The following LYPLAL1 variants were observed in gnomAD, a reference collection of about 807,000 sequenced individuals.
LYPLAL1 encodes lysophospholipase-like protein 1.
Under a neutral mutation model 19.7 loss-of-function variants are expected in LYPLAL1, and 23 were observed. The ratio of observed to expected loss-of-function variants is 1.17; its 90% CI spans 0.84 to 1.65. The LOEUF (loss-of-function observed/expected upper bound fraction) is 1.65. Ranked by LOEUF, LYPLAL1 falls within the 40% of genes most tolerant of loss-of-function variation. The pLI, the probability that LYPLAL1 is intolerant of heterozygous loss-of-function variation, is 0.00. For synonymous variants in LYPLAL1, 119 were observed against 96.3 expected, an observed-to-expected ratio of 1.24 and a Z score of -1.38; for missense variants, 355 against 279.4, an observed-to-expected ratio of 1.27 and a Z score of -1.93.
chr1:219,288,721 G>T, the LYPLAL1 span, among the ~76,000 whole-genome samples: 1 of 152,172 alleles, frequency 6.6e-6, no homozygotes, highest in East Asian at 1.9e-4. Context: ...GGTGGGAGAT[G>T]TTGACAATGG....
the LYPLAL1 span, among the ~76,000 whole-genome samples, chr1:219,302,376 C>G: frequency 5.0e-3 from 768 of 152,292 alleles, 11 homozygotes; most frequent in African/African-American, 0.017. Flanking sequence ...TGAGCATATT[C>G]TAACAGTAAG....
At chr1:219,385,817 A>G in the LYPLAL1 span, among the ~76,000 whole-genome samples, 2 of 152,204 alleles carry the variant, frequency 1.3e-5, no homozygotes, top group African/African-American at 2.4e-5. Context: ...TAAATTACAT[A>G]CAGTTGGGAA....
chr1:219,288,341 A>G, the LYPLAL1 span, among the ~76,000 whole-genome samples: 9 of 152,184 alleles, frequency 5.9e-5, no homozygotes, highest in African/African-American at 1.4e-4. Context: ...TTAAGTGCAT[A>G]TTTTACTAAG....
At chr1:219,277,935 T>C in the LYPLAL1 span, among the ~76,000 whole-genome samples, 1 of 152,216 alleles carries the variant, frequency 6.6e-6, no homozygotes, top group African/African-American at 2.4e-5. Flanking sequence ...ATTGTTGTTG[T>C]TGTTTAAGTA....
chr1:219,378,954 G>T, the LYPLAL1 span, among the ~76,000 whole-genome samples: 2 of 152,142 alleles, frequency 1.3e-5, no homozygotes, highest in Non-Finnish European at 2.9e-5. Flanking sequence ...ACCATTAAAT[G>T]CTGATCTGTT....
At chr1:219,323,140 C>G in the LYPLAL1 span, among the ~76,000 whole-genome samples, 1 of 152,278 alleles carries the variant, frequency 6.6e-6, no homozygotes, top group East Asian at 1.9e-4. Flanking sequence ...ACTAATTGCC[C>G]TTCCCTGAGA....
intron 3 of LYPLAL1, among the ~76,000 whole-genome samples, chr1:219,201,015 C>T (rs1315113323): frequency 2.6e-5 from 4 of 152,106 alleles, no homozygotes; most frequent in African/African-American, 7.2e-5. Context: ...ATTCTTAATA[C>T]GTATTATCAA....
chr1:219,232,895 T>C, the LYPLAL1 span, among the ~76,000 whole-genome samples: 1 of 151,702 alleles, frequency 6.6e-6, no homozygotes, highest in East Asian at 1.9e-4. Flanking sequence ...TAACAAGTGT[T>C]TGTGATGATG....
the LYPLAL1 span, among the ~76,000 whole-genome samples, chr1:219,327,433 G>T: frequency 2.6e-5 from 4 of 152,190 alleles, no homozygotes; most frequent in African/African-American, 4.8e-5. Flanking sequence ...AGGTCCTGAA[G>T]AAATGAAGCA....
the LYPLAL1 span, among the ~76,000 whole-genome samples, chr1:219,235,049 A>G: frequency 3.9e-5 from 6 of 152,182 alleles, no homozygotes; most frequent in Non-Finnish European, 8.8e-5. Flanking sequence ...TATCTTGCAT[A>G]ACATAATACA....
At chr1:219,244,861 C>G in the LYPLAL1 span, among the ~76,000 whole-genome samples, 1 of 145,280 alleles carries the variant, frequency 6.9e-6, no homozygotes, top group Non-Finnish European at 1.5e-5. Context: ...GCAGGAGAAT[C>G]GCTTGAACTC....
downstream of LYPLAL1, among the ~76,000 whole-genome samples, chr1:219,217,532 A>G (rs1659339372): frequency 6.6e-6 from 1 of 152,082 alleles, no homozygotes; most frequent in African/African-American, 2.4e-5. Context: ...AGTCTTAGTT[A>G]TGAACTCTTC....
chr1:219,286,495 T>C, the LYPLAL1 span, among the ~76,000 whole-genome samples: 4 of 152,278 alleles, frequency 2.6e-5, no homozygotes, highest in South Asian at 2.1e-4. Context: ...AAAATAAAGA[T>C]GCTTTCCTTT....
chr1:219,221,570 G>A, the LYPLAL1 span, among the ~76,000 whole-genome samples: 3 of 152,260 alleles, frequency 2.0e-5, no homozygotes, highest in East Asian at 5.8e-4. Context: ...AGAACCCACC[G>A]AATAGTAAAC....
chr1:219,228,415 T>C, the LYPLAL1 span, among the ~76,000 whole-genome samples: 3 of 152,208 alleles, frequency 2.0e-5, no homozygotes, highest in African/African-American at 4.8e-5. Context: ...AGAAAATCAA[T>C]GCTGGGTAGG....
At chr1:219,345,993 A>G in the LYPLAL1 span, among the ~76,000 whole-genome samples, 3 of 152,168 alleles carry the variant, frequency 2.0e-5, no homozygotes, top group East Asian at 1.9e-4. Context: ...TGTTTGGAAC[A>G]TGGAGTTGTA....
chr1:219,279,636 CTAGTTTGTTGTTCAGATAA>C, the LYPLAL1 span, among the ~76,000 whole-genome samples: 1 of 152,180 alleles, frequency 6.6e-6, no homozygotes, highest in South Asian at 2.1e-4. Flanking sequence ...AAGTTCAGAT[CTAGTTTGTTGTTCAGATAA>C]TGGTTCCAAG....
chr1:219,441,441 T>C, the LYPLAL1 span, among the ~76,000 whole-genome samples: 19 of 152,218 alleles, frequency 1.2e-4, no homozygotes, highest in Non-Finnish European at 2.1e-4. Context: ...GGGGTGCAGA[T>C]GAAGCAAGAT....
intron 3 of LYPLAL1, among the ~76,000 whole-genome samples, chr1:219,202,789 C>A (rs1429674927): frequency 6.6e-6 from 1 of 151,976 alleles, no homozygotes; most frequent in Admixed American, 6.6e-5. Flanking sequence ...GATCCTCCTG[C>A]ATCAGCCTCT....
Sources: gnomAD v4.1 joint callset for allele counts (sites outside exome capture counted in the v4.1 genomes callset) on GRCh38, gnomAD v4.1.1 for gene constraint, MANE v1.5 for transcripts, NCBI Gene and HGNC (gene_info 2026-07-23, HGNC 2026-07-21) for gene names.